Variants in RAD51B observed in about 807,000 individuals in gnomAD.
The protein encoded by RAD51B is DNA repair protein RAD51 homolog 2.
In RAD51B, 38 loss-of-function variants were observed where a neutral mutation model predicts 42.2. The observed-to-expected ratio is 0.90, with a 90% confidence interval of 0.70 to 1.18. RAD51B has a LOEUF of 1.18. Ranked by LOEUF, RAD51B falls within the 50% of genes most tolerant of loss-of-function variation. The probability of loss-of-function intolerance (pLI) is 0.00; values close to 1 mark genes in which losing one functional copy is unlikely to be tolerated. For synonymous variants in RAD51B, 154 were observed against 145.2 expected (o/e 1.06, Z -0.43); for missense variants, 373 against 400.7 (o/e 0.93, Z 0.59).
At chr14:68,641,573 T>TAGGCCGGGC (rs1566962208) in intron 10 of RAD51B, among the ~76,000 whole-genome samples, 13 of 146,080 alleles carry the variant, frequency 8.9e-5, no homozygotes, top group Non-Finnish European at 1.2e-4. Flanking sequence ...AGATGTTAGC[T>TAGGCCGGGC]GTAGATTTTT....
rs914732768 is a variant in RAD51B, at chr14:68,340,141, C to T, written c.853+48161C>T. Among the ~76,000 whole-genome samples the T allele has an allele frequency of 8.5e-5, 13 of 152,234 alleles. No individual in the cohort carries two copies. In the South Asian group the frequency reaches 1.2e-3, roughly 15 times the overall value. On this transcript the variant is annotated intron_variant, in intron 8 of 10. Transcript: ENST00000471583. ...AAATAACTTCAAGGTGTCTTTGGACCGATACAATGAGTTACCAAGGAAAGT... is the reference window on the plus strand; with the variant it reads ...AAATAACTTCAAGGTGTCTTTGGACTGATACAATGAGTTACCAAGGAAAGT...
downstream of RAD51B, among the ~76,000 whole-genome samples, chr14:68,481,303 T>C (rs893422055): frequency 1.3e-5 from 2 of 152,164 alleles, no homozygotes; most frequent in Non-Finnish European, 2.9e-5. Flanking sequence ...TGCTACATTG[T>C]TCACACATTA....
chr14:68,291,592 C>T lies in RAD51B; in HGVS notation c.757-292C>T, dbSNP rs146448149. 5.1e-4 allele frequency among the ~76,000 whole-genome samples: 78 copies of T among 152,308 alleles called. 1 individual carries two copies. Among genetic ancestry groups the T allele is most frequent in the Middle Eastern group, 3.4e-3 (1 of 294 alleles). On this transcript the variant is annotated intron_variant, in intron 7 of 10. Coordinates refer to ENST00000471583, the MANE Select transcript of RAD51B (RefSeq NM_133510.4). The stretch of plus-strand genomic sequence containing the variant: ...CTATTATTTAACCAATATGATAACA[C>T]CCCTCAGTCCCAACTTACTCAGCAT...
intron 8 of RAD51B, among the ~76,000 whole-genome samples, chr14:68,359,163 G>C (rs1382850670): frequency 6.6e-6 from 1 of 152,082 alleles, no homozygotes; most frequent in Non-Finnish European, 1.5e-5. Context: ...AACCACGGGG[G>C]AGGAAAGAAA....
chr14:68,668,246 G>T (rs2140152007), intron 11 of RAD51B, among the ~76,000 whole-genome samples: 1 of 152,324 alleles, frequency 6.6e-6, no homozygotes, highest in Admixed American at 6.5e-5. Context: ...GCCAGCAGGG[G>T]ATGGTGGGAT....
intron 10 of RAD51B, among the ~76,000 whole-genome samples, chr14:68,536,785 T>C (rs1484333369): frequency 6.6e-6 from 1 of 152,126 alleles, no homozygotes; most frequent in African/African-American, 2.4e-5. Flanking sequence ...TTTCTTTCAT[T>C]AAAAATTGAG....
chr14:68,306,227 C>A (rs1285328193), intron 8 of RAD51B, among the ~76,000 whole-genome samples: 1 of 152,192 alleles, frequency 6.6e-6, no homozygotes, highest in Non-Finnish European at 1.5e-5. Context: ...TAATTAATTT[C>A]TCTCTCCATT....
intron 9 of RAD51B, among the ~76,000 whole-genome samples, chr14:68,437,394 A>G (rs1021749174): frequency 6.6e-6 from 1 of 152,240 alleles, no homozygotes; most frequent in South Asian, 2.1e-4. Flanking sequence ...TTTATGTACT[A>G]CTGGATTTGG....
intron 10 of RAD51B, among the ~76,000 whole-genome samples, chr14:68,589,749 G>GT (rs1392375264): frequency 6.6e-6 from 1 of 152,172 alleles, no homozygotes; most frequent in Admixed American, 6.5e-5. Context: ...TTTATGGCCT[G>GT]TTTTTTCCAT....
At chr14:68,521,151 G>T (rs1285459570) in intron 10 of RAD51B, among the ~76,000 whole-genome samples, 1 of 152,182 alleles carries the variant, frequency 6.6e-6, no homozygotes, top group African/African-American at 2.4e-5. Flanking sequence ...AACAGCTGGG[G>T]CCTGCTCTCT....
intron 7 of RAD51B, among the ~76,000 whole-genome samples, chr14:68,047,482 C>G (rs564052376): frequency 6.6e-6 from 1 of 152,048 alleles, no homozygotes; most frequent in Admixed American, 6.6e-5. Context: ...GAAGGGCAAC[C>G]ACCTCTAACA....
intron 10 of RAD51B, among the ~76,000 whole-genome samples, chr14:68,539,764 G>A (rs2140365294): frequency 6.6e-6 from 1 of 152,338 alleles, no homozygotes; most frequent in South Asian, 2.1e-4. Context: ...CTGTCAGCTG[G>A]CTCAATGGGA....
At chr14:68,047,187 G>A (rs948881504) in intron 7 of RAD51B, among the ~76,000 whole-genome samples, 1 of 152,072 alleles carries the variant, frequency 6.6e-6, no homozygotes, top group Non-Finnish European at 1.5e-5. Context: ...ACACCAGAAA[G>A]CAAAAGAATG....
At chr14:68,258,579 A>G (rs1376002023) in intron 7 of RAD51B, among the ~76,000 whole-genome samples, 2 of 152,134 alleles carry the variant, frequency 1.3e-5, no homozygotes, top group African/African-American at 4.8e-5. Context: ...TGTCTTAAAA[A>G]AACTTAAAGA....
chr14:68,525,714 AC>A (rs1886880477), intron 10 of RAD51B, among the ~76,000 whole-genome samples: 1 of 152,006 alleles, frequency 6.6e-6, no homozygotes, highest in Non-Finnish European at 1.5e-5. Context: ...TTTCACACCC[AC>A]ACTCGCCCCA....
intron 7 of RAD51B, among the ~76,000 whole-genome samples, chr14:68,097,294 G>GT (rs909621885): frequency 3.0e-4 from 45 of 148,042 alleles, no homozygotes; most frequent in Admixed American, 9.4e-4. Flanking sequence ...AACTATTTTG[G>GT]TTTTTTTTTT....
At chr14:68,044,617 A>G (rs2076269482) in intron 7 of RAD51B, among the ~76,000 whole-genome samples, 1 of 152,082 alleles carries the variant, frequency 6.6e-6, no homozygotes, top group Admixed American at 6.6e-5. Context: ...GTATAATAAA[A>G]ATTTATGTTT....
At chr14:67,981,409 TTAAAATGTTAACCA>T (rs1189973721) in intron 7 of RAD51B, among the ~76,000 whole-genome samples, 3 of 152,234 alleles carry the variant, frequency 2.0e-5, no homozygotes, top group Admixed American at 6.5e-5. Context: ...TGGCAGTTTC[TTAAAATGTTAACCA>T]TATACCCACC....
At chr14:68,016,641 A>G (rs573285993) in intron 7 of RAD51B, among the ~76,000 whole-genome samples, 2 of 152,350 alleles carry the variant, frequency 1.3e-5, no homozygotes, top group East Asian at 1.9e-4. Context: ...GTGAAAGAGT[A>G]CAAGCCAACT....
Sources: gnomAD v4.1 joint callset for allele counts (sites outside exome capture counted in the v4.1 genomes callset) on GRCh38, gnomAD v4.1.1 for gene constraint, MANE v1.5 for transcripts, NCBI Gene and HGNC (gene_info 2026-07-23, HGNC 2026-07-21) for gene names.